The following EHHADH variants were observed in gnomAD, a reference collection of about 807,000 sequenced individuals.
The protein encoded by EHHADH is enoyl-CoA hydratase and 3-hydroxyacyl CoA dehydrogenase.
Under a neutral mutation model 64.4 loss-of-function variants are expected in EHHADH, and 48 were observed. That is an observed-to-expected ratio of 0.75 (90% confidence interval 0.59 to 0.95). EHHADH has a LOEUF of 0.95. Ranked by LOEUF, EHHADH falls within the 40% of genes least tolerant of loss-of-function variation. The pLI is 0.00. For synonymous variants in EHHADH, 308 were observed against 326.7 expected (o/e 0.94, Z 0.62); for missense variants, 854 against 876.6 (o/e 0.97, Z 0.33).
intron 5 of EHHADH, among the ~76,000 whole-genome samples, chr3:185,206,246 G>A (rs4687136): frequency 0.057 from 8,649 of 151,042 alleles, 327 homozygotes; most frequent in Admixed American, 0.084. Context: ...TCAACAAATC[G>A]TAGTGGGATA....
chr3:185,229,090 G>T (rs868457031), intron 4 of EHHADH, among the ~76,000 whole-genome samples: 1 of 152,062 alleles, frequency 6.6e-6, no homozygotes, highest in African/African-American at 2.4e-5. Flanking sequence ...GCCACTGCGT[G>T]CGGCCTATAT....
At chr3:185,225,371 C>T (rs902143786) in intron 4 of EHHADH, among the ~76,000 whole-genome samples, 2 of 152,034 alleles carry the variant, frequency 1.3e-5, no homozygotes, top group Non-Finnish European at 2.9e-5. Context: ...TCTCACATCT[C>T]GTATCTGCTC....
At chr3:185,203,402 A>G (rs531558784) in intron 6 of EHHADH, among the ~76,000 whole-genome samples, 52 of 152,278 alleles carry the variant, frequency 3.4e-4, no homozygotes, top group South Asian at 1.2e-3. Context: ...GAAAAGAAAG[A>G]AAGTTGATGC....
intron 5 of EHHADH, among the ~76,000 whole-genome samples, chr3:185,215,111 GA>G (rs1489950949): frequency 6.6e-6 from 1 of 152,020 alleles, no homozygotes; most frequent in Non-Finnish European, 1.5e-5. Context: ...TTAAATCACT[GA>G]TTTTTTTATT....
intron 5 of EHHADH, among the ~76,000 whole-genome samples, chr3:185,213,070 A>G (rs1437714747): frequency 7.8e-6 from 1 of 128,830 alleles, no homozygotes; most frequent in Non-Finnish European, 1.6e-5. Context: ...CAGCGAGCCA[A>G]GATTGCACCA....
chr3:185,246,400 C>G, intron 2 of EHHADH: 1 of 612,320 alleles, frequency 1.6e-6, no homozygotes, highest in Non-Finnish European at 2.6e-6. Context: ...TTCTTTTCTT[C>G]TTGCTCACAG....
intron 2 of EHHADH, chr3:185,246,474 G>C: frequency 2.6e-6 from 1 of 382,648 alleles, no homozygotes; most frequent in Non-Finnish European, 4.5e-6. Context: ...GCATGGATGG[G>C]AAGTCAGACA....
intron 2 of EHHADH, among the ~76,000 whole-genome samples, chr3:185,241,528 T>C (rs1719452134): frequency 6.6e-6 from 1 of 152,244 alleles, no homozygotes; most frequent in Admixed American, 6.5e-5. Context: ...ATTGTGGTTT[T>C]GATTTGCATT....
chr3:185,215,357 A>G (rs1718653512), intron 5 of EHHADH, among the ~76,000 whole-genome samples: 3 of 152,180 alleles, frequency 2.0e-5, no homozygotes, highest in African/African-American at 4.8e-5. Flanking sequence ...GCATGCAACA[A>G]TAGGAATGGC....
At position 185,192,602 on chromosome 3, in the gene EHHADH, A is replaced by T; in HGVS notation, c.1796T>A (p.Phe599Tyr). 1 of 1,614,196 alleles carries T rather than the reference A, an allele frequency of 6.2e-7. No individual in the cohort carries two copies. The highest frequency in any genetic ancestry group is 8.5e-7 in the Non-Finnish European group (1 of 1,180,042). Residue 599 changes from phenylalanine (F) to tyrosine (Y), a missense_variant, in exon 7 of 7, where the codon TTC becomes TAC. Physicochemically the swap from Phe to Tyr is conservative, Grantham distance 22. Coordinates refer to ENST00000231887, the MANE Select transcript of EHHADH (RefSeq NM_001966.4). Reference protein sequence around the residue: ...IHKPDPWLSKFLSRYRKTHHI... With the variant: ...IHKPDPWLSKYLSRYRKTHHI... ...ATGGGTTTTTCTATACCGTGATAGG[A>T]ATTTGGAAAGCCAGGGATCAGGTTT...
rs752775214 is a variant in EHHADH, at chr3:185,192,193, G to A, written c.*33C>T. ...TGAAATTCAGTCAGCATTACCTGAT[G>A]CTAGCATGTGAGGCATAATCTGGAA... On this transcript the variant is annotated 3_prime_UTR_variant, in exon 7 of 7. Coordinates refer to ENST00000231887, the MANE Select transcript of EHHADH (RefSeq NM_001966.4). The A allele has an allele frequency of 6.3e-6, 10 of 1,581,084 alleles. No individual in the cohort carries two copies. Among genetic ancestry groups the A allele is most frequent in the South Asian group, 1.2e-5 (1 of 85,146 alleles).
At chr3:185,204,375 A>G (rs765372781) in intron 6 of EHHADH, 41 bp downstream of exon 6, 2 of 1,517,418 alleles carry the variant, frequency 1.3e-6, no homozygotes, top group African/African-American at 1.4e-5. Context: ...ACATTACATG[A>G]GCAGATTTGG....
chr3:185,246,999 A>G (rs1719613966), intron 2 of EHHADH, among the ~76,000 whole-genome samples: 1 of 152,156 alleles, frequency 6.6e-6, no homozygotes, highest in African/African-American at 2.4e-5. Flanking sequence ...CTCAGAGGAT[A>G]TTGGAAATTA....
intron 1 of EHHADH, among the ~76,000 whole-genome samples, chr3:185,251,954 C>T (rs1719760306): frequency 6.6e-6 from 1 of 152,192 alleles, no homozygotes; most frequent in Admixed American, 6.5e-5. Context: ...GAATAACTAA[C>T]ATCTATTAAA....
chr3:185,253,625 G>A (rs1195673724), intron 1 of EHHADH, among the ~76,000 whole-genome samples: 1 of 150,938 alleles, frequency 6.6e-6, no homozygotes, highest in African/African-American at 2.4e-5. Flanking sequence ...TTGCAAGTAA[G>A]CAGGAGGGCT....
chr3:185,214,046 G>A (rs997831776), intron 5 of EHHADH, among the ~76,000 whole-genome samples: 1 of 152,142 alleles, frequency 6.6e-6, no homozygotes, highest in Non-Finnish European at 1.5e-5. Context: ...ACAAGATTCT[G>A]AGTTAATCCT....
At chr3:185,215,296 G>A (rs796337702) in intron 5 of EHHADH, among the ~76,000 whole-genome samples, 7 of 152,138 alleles carry the variant, frequency 4.6e-5, no homozygotes, top group African/African-American at 1.7e-4. Context: ...ACAAATTGTG[G>A]TTTACCCACA....
At chr3:185,245,062 C>T (rs536300086) in intron 2 of EHHADH, among the ~76,000 whole-genome samples, 1 of 152,264 alleles carries the variant, frequency 6.6e-6, no homozygotes, top group East Asian at 1.9e-4. Flanking sequence ...GATTGAATTT[C>T]TTTAATGATT....
chr3:185,196,617 G>C (rs1718071579), intron 6 of EHHADH, among the ~76,000 whole-genome samples: 1 of 152,032 alleles, frequency 6.6e-6, no homozygotes, highest in Admixed American at 6.6e-5. Context: ...TCCAGCCCGG[G>C]CAACAAGAGC....
Sources: allele counts gnomAD v4.1 joint callset (sites outside exome capture counted in the v4.1 genomes callset), GRCh38; gene constraint gnomAD v4.1.1; transcripts MANE v1.5; gene names NCBI Gene and HGNC (gene_info 2026-07-23, HGNC 2026-07-21).